The following CPQ variants were observed in gnomAD, a reference collection of about 807,000 sequenced individuals.
The protein encoded by CPQ is carboxypeptidase Q.
In CPQ, 37 loss-of-function variants were observed where a neutral mutation model predicts 45.7. The observed-to-expected ratio is 0.81, with a 90% CI of 0.62 to 1.07. The LOEUF (loss-of-function observed/expected upper bound fraction) is 1.07. Ranked by LOEUF, CPQ falls within the 50% of genes least tolerant of loss-of-function variation. The pLI is 0.00. For missense variants in CPQ, 537 were observed against 572.9 expected (o/e 0.94, Z 0.64); for synonymous variants, 186 against 205.8 (o/e 0.90, Z 0.82).
At chr8:96,846,575 T>TTCTC (rs150721788) in intron 3 of CPQ, among the ~76,000 whole-genome samples, 1 of 150,246 alleles carries the variant, frequency 6.7e-6, no homozygotes, top group Non-Finnish European at 1.5e-5. Flanking sequence ...CACATTTGCT[T>TTCTC]TCTCTCTCTC....
chr8:97,103,892 G>A (rs1053614323), intron 7 of CPQ, among the ~76,000 whole-genome samples: 4 of 152,126 alleles, frequency 2.6e-5, no homozygotes, highest in African/African-American at 9.7e-5. Flanking sequence ...ATTATCTTCC[G>A]CACTTCCAGG....
intron 2 of CPQ, among the ~76,000 whole-genome samples, chr8:96,825,690 G>T (rs1811370465): frequency 6.6e-6 from 1 of 152,000 alleles, no homozygotes; most frequent in African/African-American, 2.4e-5. Context: ...AAATTATGTT[G>T]TATTGAATCA....
chr8:96,717,583 T>C (rs191086568), intron 1 of CPQ, among the ~76,000 whole-genome samples: 4 of 152,290 alleles, frequency 2.6e-5, no homozygotes, highest in African/African-American at 9.6e-5. Flanking sequence ...TTTAGGATTT[T>C]TTTTTCTAGT....
chr8:96,791,753 A>G (rs1412435029), intron 2 of CPQ, among the ~76,000 whole-genome samples: 2 of 152,184 alleles, frequency 1.3e-5, no homozygotes, highest in Non-Finnish European at 2.9e-5. Flanking sequence ...TGCAGAGCTT[A>G]TCTTCTAGCC....
chr8:97,084,842 C>G (rs113029220), intron 7 of CPQ, among the ~76,000 whole-genome samples: 8 of 140,650 alleles, frequency 5.7e-5, no homozygotes, highest in South Asian at 2.2e-4. Flanking sequence ...GTGTGTCTCT[C>G]TGTGTGTATG....
chr8:97,059,510 G>A (rs933963594), intron 6 of CPQ, among the ~76,000 whole-genome samples: 4 of 152,150 alleles, frequency 2.6e-5, no homozygotes, highest in Admixed American at 6.6e-5. Flanking sequence ...GAGTGCTGGA[G>A]ACTGAAAGTA....
intron 1 of CPQ, among the ~76,000 whole-genome samples, chr8:96,747,016 C>T (rs984062954): frequency 2.6e-5 from 4 of 152,092 alleles, no homozygotes; most frequent in Admixed American, 6.5e-5. Context: ...TTGGGCCAGT[C>T]GCAGTGGCTC....
At chr8:97,004,494 A>G (rs1363161348) in intron 5 of CPQ, among the ~76,000 whole-genome samples, 1 of 152,120 alleles carries the variant, frequency 6.6e-6, no homozygotes, top group Non-Finnish European at 1.5e-5. Flanking sequence ...CAATTTGGCA[A>G]TACTGTATAC....
intron 7 of CPQ, among the ~76,000 whole-genome samples, chr8:97,122,927 T>TAAAATAAATA (rs1336501970): frequency 3.3e-4 from 13 of 38,850 alleles, no homozygotes; most frequent in East Asian, 1.4e-3. Flanking sequence ...TAAAATAAAA[T>TAAAATAAATA]AAATAAAATA....
At chr8:97,047,503 A>G (rs1222780484) in intron 6 of CPQ, among the ~76,000 whole-genome samples, 3 of 152,224 alleles carry the variant, frequency 2.0e-5, no homozygotes, top group African/African-American at 7.2e-5. Context: ...ACAATGGCCA[A>G]AGGATATTGT....
rs113694222 is a variant in CPQ at position 96,689,564 on chromosome 8, T to G, written c.-35+44162T>G. On this transcript the variant is annotated intron_variant, in intron 1 of 7. Coordinates refer to ENST00000220763, the MANE Select transcript of CPQ (RefSeq NM_016134.4). Reference sequence around the variant, plus strand: ...GGAAAAAGGGAAGAAGGGAACCAAATTCTGTGGATTATTGCATGTTAAAAA... The same window carrying G: ...GGAAAAAGGGAAGAAGGGAACCAAAGTCTGTGGATTATTGCATGTTAAAAA... Among the ~76,000 whole-genome samples, 69 of 152,288 alleles carry G rather than the reference T, an allele frequency of 4.5e-4. 2 individuals carry two copies. Among genetic ancestry groups the G allele is most frequent in the African/African-American group, 1.7e-3 (69 of 41,572 alleles).
chr8:96,832,955 T>TG, intron 2 of CPQ, among the ~76,000 whole-genome samples: 1 of 151,996 alleles, frequency 6.6e-6, no homozygotes, highest in South Asian at 2.1e-4. Context: ...ACCGGTGGTA[T>TG]GGGAGGGCCA....
chr8:96,680,482 G>GT (rs1809135051), intron 1 of CPQ: 1 of 152,294 alleles, frequency 6.6e-6, no homozygotes, highest in African/African-American at 2.4e-5. Context: ...TGCCATCCAT[G>GT]TAAGACATGA....
At chr8:97,087,189 T>C (rs576414670) in intron 7 of CPQ, among the ~76,000 whole-genome samples, 1 of 152,184 alleles carries the variant, frequency 6.6e-6, no homozygotes. Context: ...AACCACTTCA[T>C]AAATATTCAA....
intron 7 of CPQ, among the ~76,000 whole-genome samples, chr8:97,140,730 A>G (rs943002410): frequency 6.6e-6 from 1 of 152,072 alleles, no homozygotes; most frequent in African/African-American, 2.4e-5. Flanking sequence ...TGAAAGAGCA[A>G]ATGGTTCTGA....
intron 4 of CPQ, among the ~76,000 whole-genome samples, chr8:96,924,386 A>G (rs952883421): frequency 6.6e-6 from 1 of 152,128 alleles, no homozygotes; most frequent in African/African-American, 2.4e-5. Context: ...TTTCTCTACA[A>G]CCTCTTTTCA....
intron 4 of CPQ, among the ~76,000 whole-genome samples, chr8:96,964,789 T>C (rs1201753674): frequency 6.6e-6 from 1 of 152,178 alleles, no homozygotes; most frequent in Non-Finnish European, 1.5e-5. Context: ...TACTCCAAAT[T>C]GGTGAAGTTA....
chr8:96,873,452 G>T (rs1024808351), intron 3 of CPQ, among the ~76,000 whole-genome samples: 2 of 151,090 alleles, frequency 1.3e-5, no homozygotes, highest in African/African-American at 4.9e-5. Context: ...TCTTATTGTT[G>T]TTAATGACAG....
chr8:97,082,458 T>G (rs1256106755), intron 7 of CPQ, among the ~76,000 whole-genome samples: 1 of 152,174 alleles, frequency 6.6e-6, no homozygotes, highest in African/African-American at 2.4e-5. Flanking sequence ...ATAACCAGCT[T>G]TGTTTCATTG....
Sources: gnomAD v4.1 joint callset for allele counts (sites outside exome capture counted in the v4.1 genomes callset) on GRCh38, gnomAD v4.1.1 for gene constraint, MANE v1.5 for transcripts, NCBI Gene and HGNC (gene_info 2026-07-23, HGNC 2026-07-21) for gene names.